The following TMEM9 variants were observed in gnomAD, a reference collection of about 807,000 sequenced individuals.
The protein encoded by TMEM9 is transmembrane protein 9.
A neutral mutation model predicts 22.8 loss-of-function variants in TMEM9; 13 were observed. That is an observed-to-expected ratio of 0.57 (90% CI 0.37 to 0.91). The LOEUF is 0.91. TMEM9 is among the 40% of genes least tolerant of loss of function. TMEM9 has a pLI of 0.01. For missense variants in TMEM9, 182 were observed against 238.1 expected, an observed-to-expected ratio of 0.76 and a Z score of 1.55; for synonymous variants, 88 against 93.0, an observed-to-expected ratio of 0.95 and a Z score of 0.31.
rs926050845 is a variant in TMEM9 at position 201,154,193 on chromosome 1, G to A, written c.-270C>T. The A allele has an allele frequency of 1.6e-5, 7 of 424,674 alleles. No homozygotes were observed. Among genetic ancestry groups the A allele is most frequent in the African/African-American group, 1.5e-4 (7 of 47,914 alleles). The allele number at this position is 424,674 out of a possible 1,614,324, so 26.3% of individuals were successfully genotyped here. ...GTCCTCGAGGGGACACCGCTGCCAG[G>A]GGCCTCCAGTTCCTTCTCAAGGCCC... On this transcript the variant is annotated 5_prime_UTR_variant, in exon 1 of 5. Transcript: ENST00000367330.
At chr1:201,165,807 T>C (rs2102296149) in intron 1 of TMEM9, among the ~76,000 whole-genome samples, 1 of 152,314 alleles carries the variant, frequency 6.6e-6, no homozygotes, top group Non-Finnish European at 1.5e-5. Context: ...GCCTTGATTG[T>C]AAGCAATTGT....
intron 2 of TMEM9, among the ~76,000 whole-genome samples, chr1:201,150,541 TTAAG>T (rs1045557781): frequency 3.9e-5 from 6 of 152,132 alleles, no homozygotes; most frequent in Admixed American, 6.5e-5. Flanking sequence ...GCAGTGGAGA[TTAAG>T]TAATTTGTCA....
chr1:201,149,511 C>G (rs1264989906), intron 2 of TMEM9, among the ~76,000 whole-genome samples: 1 of 152,198 alleles, frequency 6.6e-6, no homozygotes, highest in Non-Finnish European at 1.5e-5. Context: ...TAACACATCT[C>G]CTTGCCGGAC....
upstream of TMEM9, among the ~76,000 whole-genome samples, chr1:201,155,206 G>T (rs557816521): frequency 1.0e-3 from 155 of 152,338 alleles, no homozygotes; most frequent in African/African-American, 3.5e-3. Flanking sequence ...CCCCTAAGCA[G>T]CTGTGTTAGC....
chr1:201,135,473 C>A lies in TMEM9; in HGVS notation c.*190G>T, dbSNP rs1408794890. The A allele has an allele frequency of 1.8e-6, 1 of 551,536 alleles. No individual in the cohort carries two copies. 34.2% of individuals were successfully genotyped at this position (551,536 alleles called of 1,614,324 possible). A position where few individuals can be genotyped will look rare whatever the true frequency, so the allele number is the denominator to read the frequency against. On this transcript the variant is annotated 3_prime_UTR_variant, in exon 5 of 5. Transcript: ENST00000367330. The stretch of plus-strand genomic sequence containing the variant: ...CCAAGAAGACAACAGAGATCAGAGA[C>A]CACATCCCTCTTCCCTAATCAAAAT...
At chr1:201,148,750 A>G (rs1333924596) in intron 2 of TMEM9, among the ~76,000 whole-genome samples, 1 of 152,242 alleles carries the variant, frequency 6.6e-6, no homozygotes, top group Admixed American at 6.5e-5. Flanking sequence ...CCAAAAAGCC[A>G]TATGTGGCAT....
At chr1:201,169,458 C>T (rs541062634) in intron 1 of TMEM9, among the ~76,000 whole-genome samples, 12 of 152,296 alleles carry the variant, frequency 7.9e-5, no homozygotes, top group East Asian at 7.7e-4. Context: ...TTCCATGTTA[C>T]GGACACATGC....
chr1:201,162,645 A>G (rs1665973929), intron 1 of TMEM9, among the ~76,000 whole-genome samples: 1 of 152,172 alleles, frequency 6.6e-6, no homozygotes, highest in Non-Finnish European at 1.5e-5. Context: ...ACTTAGAAAA[A>G]AATCATAAGA....
At chr1:201,141,374 C>T (rs1664509889) in intron 4 of TMEM9, among the ~76,000 whole-genome samples, 1 of 152,190 alleles carries the variant, frequency 6.6e-6, no homozygotes, top group African/African-American at 2.4e-5. Flanking sequence ...TGCTGAACCA[C>T]AGACATCTGT....
At chr1:201,163,361 G>A (rs910041312) in intron 1 of TMEM9, among the ~76,000 whole-genome samples, 24 of 151,896 alleles carry the variant, frequency 1.6e-4, no homozygotes, top group African/African-American at 2.9e-4. Context: ...AGGCTGAGGC[G>A]GGCAGATCAC....
At chr1:201,147,366 G>T (rs1052082998) in intron 2 of TMEM9, among the ~76,000 whole-genome samples, 4 of 152,164 alleles carry the variant, frequency 2.6e-5, no homozygotes, top group African/African-American at 9.7e-5. Flanking sequence ...CAATGGCAGA[G>T]AGAACACTTC....
At position 201,162,777 on chromosome 1, in the gene TMEM9, C is replaced by T. The variant is rs1041640875; in HGVS notation, c.-37+8713G>A. 4.6e-5 allele frequency among the ~76,000 whole-genome samples: 7 copies of T among 151,766 alleles called. No individual in the cohort carries two copies. In the East Asian group the frequency reaches 1.3e-3, roughly 29 times the overall value. On this transcript the variant is annotated intron_variant, in intron 1 of 5. Coordinates refer to the TMEM9 transcript ENST00000367333. Reference sequence around the variant, plus strand: ...TAAAAACTTTTGCTCTGTGAAAGACCCTGTTAAGAGACGAGAAAGAAAATA... The same window carrying T: ...TAAAAACTTTTGCTCTGTGAAAGACTCTGTTAAGAGACGAGAAAGAAAATA...
chr1:201,142,871 C>T (rs569441761), intron 4 of TMEM9, among the ~76,000 whole-genome samples: 20 of 152,342 alleles, frequency 1.3e-4, no homozygotes, highest in African/African-American at 4.3e-4. Context: ...GCTGTGCAGT[C>T]CTCACTCAGG....
rs184025216 is a variant in TMEM9 at position 201,163,197 on chromosome 1, C to T, written c.-37+8293G>A. 1.1e-4 allele frequency among the ~76,000 whole-genome samples: 17 copies of T among 152,134 alleles called. No homozygotes were observed. In the East Asian group the frequency reaches 2.3e-3, roughly 21 times the overall value. On this transcript the variant is annotated intron_variant, in intron 1 of 5. Coordinates refer to the TMEM9 transcript ENST00000367333. Reference sequence around the variant, plus strand: ...AGCTACTCAGGAGGCTGAGATGGGACGATCACCTGAGCCTGGGAAGTTGAA... The same window carrying T: ...AGCTACTCAGGAGGCTGAGATGGGATGATCACCTGAGCCTGGGAAGTTGAA...
At chr1:201,144,693 T>C (rs1212126725) in intron 3 of TMEM9, 1 of 152,214 alleles carries the variant, frequency 6.6e-6, no homozygotes, top group Non-Finnish European at 1.5e-5. Flanking sequence ...GGGTGGGACA[T>C]TTAGCATCCA....
chr1:201,162,111 G>T (rs1427398390), intron 1 of TMEM9, among the ~76,000 whole-genome samples: 1 of 151,900 alleles, frequency 6.6e-6, no homozygotes, highest in Non-Finnish European at 1.5e-5. Context: ...TGGTATTAGT[G>T]GAGGTATAGA....
intron 2 of TMEM9, among the ~76,000 whole-genome samples, chr1:201,150,843 A>G (rs1173740492): frequency 6.6e-6 from 1 of 152,186 alleles, no homozygotes; most frequent in East Asian, 1.9e-4. Context: ...GCTTTGAGAA[A>G]GCAGGAGAGG....
chr1:201,148,753 T>C (rs1665196472), intron 2 of TMEM9, among the ~76,000 whole-genome samples: 1 of 152,240 alleles, frequency 6.6e-6, no homozygotes, highest in South Asian at 2.1e-4. Flanking sequence ...AAAAGCCATA[T>C]GTGGCATACA....
At chr1:201,138,539 GAGC>G (rs1042904401) in intron 4 of TMEM9, among the ~76,000 whole-genome samples, 4 of 152,190 alleles carry the variant, frequency 2.6e-5, no homozygotes, top group African/African-American at 9.7e-5. Context: ...GTTAACTCGG[GAGC>G]AGAAGGGCAG....
Sources: allele counts gnomAD v4.1 joint callset (sites outside exome capture counted in the v4.1 genomes callset), GRCh38; gene constraint gnomAD v4.1.1; transcripts MANE v1.5; gene names NCBI Gene and HGNC (gene_info 2026-07-23, HGNC 2026-07-21).